ACTL6A: variants seen among roughly 807,000 people sequenced by gnomAD.
The protein encoded by ACTL6A is actin-like protein 6A.
Under a neutral mutation model 59.2 loss-of-function variants are expected in ACTL6A, and 5 were observed. That is an observed-to-expected ratio of 0.08 (90% CI 0.04 to 0.18). The LOEUF is 0.18. Among genes scored for constraint, ACTL6A ranks in the 10% least tolerant of loss-of-function variants. ACTL6A has a pLI of 1.00. For synonymous variants in ACTL6A, 154 were observed against 171.8 expected (o/e 0.90, Z 0.81); for missense variants, 285 against 526.9 (o/e 0.54, Z 4.49).
At chr3:179,563,542 G>A (rs1052318147) in intron 1 of ACTL6A, among the ~76,000 whole-genome samples, 13 of 152,224 alleles carry the variant, frequency 8.5e-5, no homozygotes, top group African/African-American at 3.1e-4. Context: ...GAAGGTCCCG[G>A]CGGTTTGCAA....
At chr3:179,567,136 C>A (rs1374069792) in intron 1 of ACTL6A, among the ~76,000 whole-genome samples, 1 of 151,944 alleles carries the variant, frequency 6.6e-6, no homozygotes, top group African/African-American at 2.4e-5. Context: ...GAGGGCAAGG[C>A]GAGTGGATCA....
chr3:179,576,459 A>C, intron 6 of ACTL6A, 148 bp downstream of exon 6: 1 of 780,476 alleles, frequency 1.3e-6, no homozygotes, highest in South Asian at 1.9e-5. Context: ...TTAGTATATA[A>C]TGTATATTTA....
intron 12 of ACTL6A, 28 bp downstream of exon 12, chr3:179,583,476 T>C (rs375733136): frequency 3.2e-6 from 5 of 1,546,438 alleles, no homozygotes; most frequent in Non-Finnish European, 3.6e-6. Context: ...TTTAATGGTA[T>C]TCTTCAGTCA....
rs910545345 is a variant in ACTL6A, at chr3:179,588,124, T to A, written c.*114T>A. On this transcript the variant is annotated 3_prime_UTR_variant, in exon 14 of 14. Transcript: ENST00000429709. Reference sequence around the variant, plus strand: ...GAATGTTTATACATTTTTGCATATTTCAATTTCCACTTAAATTTTTTAAAG... The same window carrying A: ...GAATGTTTATACATTTTTGCATATTACAATTTCCACTTAAATTTTTTAAAG... 5.3e-6 allele frequency: 4 copies of A among 758,568 alleles called. No homozygotes were observed. The highest frequency in any genetic ancestry group is 7.7e-6 in the Non-Finnish European group (4 of 518,882). 47.0% of individuals were successfully genotyped at this position (758,568 alleles called of 1,614,324 possible). A position where few individuals can be genotyped will look rare whatever the true frequency, so the allele number is the denominator to read the frequency against.
In ACTL6A at chr3:179,569,713, G is replaced by A; in HGVS notation, c.26-111G>A. ...TCATTGTAGTCCCAGCTATTTGGAA[G>A]ACTGAGGCGGGAGGATTGCTTGAGC... On this transcript the variant is annotated intron_variant, in intron 1 of 13. Transcript: ENST00000429709. 3 of 891,130 alleles carry A rather than the reference G, an allele frequency of 3.4e-6. No homozygotes were observed. The South Asian group carries it at 4.3e-5, about 13-fold the overall frequency. The allele number at this position is 891,130 out of a possible 1,614,324, so 55.2% of individuals were successfully genotyped here.
At chr3:179,567,556 T>C (rs1191328335) in intron 1 of ACTL6A, among the ~76,000 whole-genome samples, 1 of 152,130 alleles carries the variant, frequency 6.6e-6, no homozygotes, top group African/African-American at 2.4e-5. Context: ...AAAAGATAAA[T>C]CCTTGAGGAA....
rs765241043 is a variant in ACTL6A at position 179,563,083 on chromosome 3, G to A, written c.-10G>A. 2.5e-6 allele frequency: 4 copies of A among 1,611,518 alleles called. No individual in the cohort carries two copies. Among genetic ancestry groups the A allele is most frequent in the East Asian group, 4.5e-5 (2 of 44,850 alleles). Reference sequence around the variant, plus strand: ...TAGCCCTTAGGGTAGGAGTCGCGCCGGCAGCAGCCATGAGCGGCGGCGTGT... The same window carrying A: ...TAGCCCTTAGGGTAGGAGTCGCGCCAGCAGCAGCCATGAGCGGCGGCGTGT... On this transcript the variant is annotated 5_prime_UTR_variant, in exon 1 of 14. Coordinates refer to ENST00000429709, the MANE Select transcript of ACTL6A (RefSeq NM_004301.5).
At chr3:179,567,182 A>G (rs1020438940) in intron 1 of ACTL6A, among the ~76,000 whole-genome samples, 1 of 150,872 alleles carries the variant, frequency 6.6e-6, no homozygotes, top group Non-Finnish European at 1.5e-5. Flanking sequence ...CCTGGCCAAC[A>G]TGGTGAAACC....
At chr3:179,569,665 T>A (rs372582234) in intron 1 of ACTL6A, 159 bp from the exon 2 acceptor site, 10 of 634,924 alleles carry the variant, frequency 1.6e-5, no homozygotes, top group African/African-American at 1.1e-4. Flanking sequence ...TGAGACCTTA[T>A]GTCTACAAAA....
At chr3:179,581,554 C>T (rs897776974) in intron 11 of ACTL6A, among the ~76,000 whole-genome samples, 1 of 152,194 alleles carries the variant, frequency 6.6e-6, no homozygotes, top group African/African-American at 2.4e-5. Context: ...ACATTTGCAT[C>T]ATCACAGAAA....
chr3:179,586,774 GT>G, intron 13 of ACTL6A, 142 bp downstream of exon 13: 1 of 679,970 alleles, frequency 1.5e-6, no homozygotes, highest in Non-Finnish European at 2.4e-6. Flanking sequence ...GGAATAACCA[GT>G]TTTATGTGTT....
At chr3:179,563,162 T>C in intron 1 of ACTL6A, 45 bp downstream of exon 1, 1 of 1,587,286 alleles carries the variant, frequency 6.3e-7, no homozygotes, top group Non-Finnish European at 8.6e-7. Context: ...TTTCGGCGTG[T>C]GGGGTTTGTA....
chr3:179,583,232 TA>T, intron 11 of ACTL6A, 120 bp from the exon 12 acceptor site: 1 of 722,024 alleles, frequency 1.4e-6, no homozygotes, highest in Non-Finnish European at 2.3e-6. Flanking sequence ...TATATAATAG[TA>T]AAACATTTCC....
chr3:179,572,532 G>A (rs1303284050), intron 3 of ACTL6A, among the ~76,000 whole-genome samples: 1 of 152,164 alleles, frequency 6.6e-6, no homozygotes, highest in Non-Finnish European at 1.5e-5. Context: ...GTGGCTGGGG[G>A]CGGTGGCTCA....
intron 13 of ACTL6A, among the ~76,000 whole-genome samples, chr3:179,586,938 T>C (rs1718513584): frequency 1.3e-5 from 2 of 152,158 alleles, no homozygotes; most frequent in Non-Finnish European, 2.9e-5. Context: ...CTGGAGTGCA[T>C]TTAAAATGAA....
chr3:179,582,469 A>G (rs1175668701), intron 11 of ACTL6A, among the ~76,000 whole-genome samples: 1 of 152,236 alleles, frequency 6.6e-6, no homozygotes, highest in African/African-American at 2.4e-5. Context: ...TGTGTTTTGG[A>G]AAAGCTCCCA....
At chr3:179,576,590 C>A in intron 6 of ACTL6A, 30 bp from the exon 7 acceptor site, 1 of 1,544,208 alleles carries the variant, frequency 6.5e-7, no homozygotes, top group South Asian at 1.1e-5. Context: ...GACTTACTGC[C>A]CTCTTAGCCT....
intron 3 of ACTL6A, among the ~76,000 whole-genome samples, chr3:179,572,982 C>CTT (rs71628083): frequency 0.44 from 61,602 of 138,644 alleles, 15,130 homozygotes; most frequent in East Asian, 0.64. Flanking sequence ...ACAATTCTTT[C>CTT]TTTTTTTTTT....
intron 3 of ACTL6A, among the ~76,000 whole-genome samples, chr3:179,571,866 AC>A (rs1718018607): frequency 6.6e-6 from 1 of 150,440 alleles, no homozygotes; most frequent in Non-Finnish European, 1.5e-5. Context: ...AGCTACCCTT[AC>A]CATTTAGGGA....
Sources: gnomAD v4.1 joint callset for allele counts (sites outside exome capture counted in the v4.1 genomes callset) on GRCh38, gnomAD v4.1.1 for gene constraint, MANE v1.5 for transcripts, NCBI Gene and HGNC (gene_info 2026-07-23, HGNC 2026-07-21) for gene names.